The following ATXN2 variants were observed in gnomAD, a reference collection of about 807,000 sequenced individuals.
The protein encoded by ATXN2 is ataxin 2.
Under a neutral mutation model 138.6 loss-of-function variants are expected in ATXN2, and 37 were observed. The ratio of observed to expected loss-of-function variants is 0.27; its 90% CI spans 0.21 to 0.35. ATXN2 has a LOEUF of 0.35. ATXN2 is among the 10% of genes least tolerant of loss of function. ATXN2 has a pLI of 1.00. For synonymous variants in ATXN2, 549 were observed against 543.7 expected (o/e 1.01, Z -0.13); for missense variants, 1,216 against 1,480.3 (o/e 0.82, Z 2.93).
chr12:111,511,230 T>C (rs1879488121), intron 11 of ATXN2: 1 of 150,748 alleles, frequency 6.6e-6, no homozygotes, highest in South Asian at 2.1e-4. Flanking sequence ...AATGGTTCGA[T>C]TATTTCATTT....
intron 1 of ATXN2, among the ~76,000 whole-genome samples, chr12:111,568,781 C>A (rs1883158253): frequency 6.6e-6 from 1 of 152,188 alleles, no homozygotes; most frequent in Non-Finnish European, 1.5e-5. Flanking sequence ...TAACTAAAAT[C>A]TAGAAATCAA....
intron 5 of ATXN2, among the ~76,000 whole-genome samples, chr12:111,545,457 G>C (rs577323521): frequency 6.3e-4 from 95 of 151,988 alleles, no homozygotes; most frequent in African/African-American, 2.1e-3. Context: ...TTAGCCGGGC[G>C]TGGTGGCAGG....
At chr12:111,567,983 G>A (rs926438177) in intron 1 of ATXN2, among the ~76,000 whole-genome samples, 13 of 151,934 alleles carry the variant, frequency 8.6e-5, no homozygotes, top group African/African-American at 2.4e-4. Context: ...GGGGGAGGCC[G>A]GGCGCAGTGG....
intron 23 of ATXN2, 30 bp downstream of exon 23, chr12:111,455,999 T>C (rs763849172): frequency 5.0e-5 from 80 of 1,599,182 alleles, no homozygotes; most frequent in Admixed American, 8.3e-5. Flanking sequence ...TACTTGGCCT[T>C]CACAGAAAGT....
At chr12:111,528,432 A>G (rs1459131334) in intron 5 of ATXN2, among the ~76,000 whole-genome samples, 1 of 152,236 alleles carries the variant, frequency 6.6e-6, no homozygotes, top group Non-Finnish European at 1.5e-5. Flanking sequence ...TGGAAAAGCA[A>G]GCAAGCGTCT....
At chr12:111,539,152 C>A (rs1023449353) in intron 5 of ATXN2, among the ~76,000 whole-genome samples, 3 of 150,024 alleles carry the variant, frequency 2.0e-5, no homozygotes, top group Non-Finnish European at 4.5e-5. Flanking sequence ...GGAGGAAAAG[C>A]TAGCTACCTG....
At chr12:111,532,969 G>A (rs1051472990) in intron 5 of ATXN2, among the ~76,000 whole-genome samples, 1 of 152,134 alleles carries the variant, frequency 6.6e-6, no homozygotes, top group Non-Finnish European at 1.5e-5. Context: ...ACACCCAGCA[G>A]GCTGGATTAG....
At chr12:111,502,766 G>A (rs1268289303) in intron 14 of ATXN2, among the ~76,000 whole-genome samples, 3 of 152,048 alleles carry the variant, frequency 2.0e-5, no homozygotes, top group Non-Finnish European at 4.4e-5. Flanking sequence ...CACATGAAAT[G>A]GTACAATGAC....
rs570433998 is a variant in ATXN2, at chr12:111,526,945, T to C, written c.572-1629A>G. On this transcript the variant is annotated intron_variant, in intron 5 of 24. Transcript: ENST00000673436. ...AAAGTTCAGGCCCTACAGTATTACCTGTCTCAGAAAGTTCAGGTAGCAGGC... is the reference window on the plus strand; with the variant it reads ...AAAGTTCAGGCCCTACAGTATTACCCGTCTCAGAAAGTTCAGGTAGCAGGC... Among the ~76,000 whole-genome samples, 143 of 152,352 alleles carry C rather than the reference T, an allele frequency of 9.4e-4. 1 individual carries two copies. The highest frequency in any genetic ancestry group is 9.1e-3 in the South Asian group (44 of 4,826).
At chr12:111,521,107 A>C in intron 6 of ATXN2, 134 bp from the exon 7 acceptor site, 4 of 609,816 alleles carry the variant, frequency 6.6e-6, no homozygotes, top group South Asian at 4.1e-5. Context: ...AATAGGAAAA[A>C]ATTTCCTTAA....
At chr12:111,499,813 A>G (rs1278772103) in intron 14 of ATXN2, among the ~76,000 whole-genome samples, 4 of 152,246 alleles carry the variant, frequency 2.6e-5, no homozygotes, top group Non-Finnish European at 4.4e-5. Context: ...TGGGCCAAAC[A>G]GCAAGACCTC....
At chr12:111,522,271 G>A (rs1460867905) in intron 6 of ATXN2, among the ~76,000 whole-genome samples, 1 of 149,638 alleles carries the variant, frequency 6.7e-6, no homozygotes, top group Non-Finnish European at 1.5e-5. Context: ...AAGACATCCA[G>A]TAAAAAGTAA....
intron 14 of ATXN2, among the ~76,000 whole-genome samples, chr12:111,494,937 C>T (rs1051619972): frequency 2.0e-5 from 3 of 152,018 alleles, no homozygotes; most frequent in African/African-American, 7.3e-5. Context: ...GTAGTTAAGT[C>T]CTCACTAATC....
chr12:111,561,171 C>G (rs901850493), intron 1 of ATXN2, among the ~76,000 whole-genome samples: 10 of 148,626 alleles, frequency 6.7e-5, no homozygotes, highest in Non-Finnish European at 1.5e-5. Context: ...GGCAATACAG[C>G]GAGACTCCGC....
chr12:111,568,268 AAAAAC>A (rs1337098818), intron 1 of ATXN2, among the ~76,000 whole-genome samples: 1 of 152,100 alleles, frequency 6.6e-6, no homozygotes, highest in Non-Finnish European at 1.5e-5. Context: ...CTCAAAAACA[AAAAAC>A]AAAACAAAAA....
intron 13 of ATXN2, 25 bp downstream of exon 13, chr12:111,509,866 G>T: frequency 6.6e-7 from 1 of 1,520,402 alleles, no homozygotes; most frequent in Non-Finnish European, 9.1e-7. Flanking sequence ...CTACAGTTAA[G>T]CTTAATGACT....
intron 18 of ATXN2, chr12:111,478,961 A>C (rs943486949): frequency 4.8e-5 from 11 of 228,638 alleles, no homozygotes. Flanking sequence ...ATGAGCTGAA[A>C]TCACGCCACT....
chr12:111,496,899 GAAGAA>G (rs372317736), intron 14 of ATXN2, among the ~76,000 whole-genome samples: 63 of 151,512 alleles, frequency 4.2e-4, no homozygotes, highest in African/African-American at 1.5e-3. Flanking sequence ...AAATTGAAAT[GAAGAA>G]AATACAAAAG....
intron 3 of ATXN2, among the ~76,000 whole-genome samples, chr12:111,553,270 T>C (rs911885549): frequency 6.6e-6 from 1 of 152,110 alleles, no homozygotes; most frequent in African/African-American, 2.4e-5. Context: ...ACTAACATTA[T>C]TTTACACACA....
Sources: gnomAD v4.1 joint callset for allele counts (sites outside exome capture counted in the v4.1 genomes callset) on GRCh38, gnomAD v4.1.1 for gene constraint, MANE v1.5 for transcripts, NCBI Gene and HGNC (gene_info 2026-07-23, HGNC 2026-07-21) for gene names.